Variants in GSK3B observed in about 807,000 individuals in gnomAD.
GSK3B encodes the protein glycogen synthase kinase-3 beta.
A neutral mutation model predicts 56.4 loss-of-function variants in GSK3B; 15 were observed. The observed-to-expected ratio is 0.27, with a 90% CI of 0.18 to 0.41. GSK3B has a LOEUF of 0.41. Among genes scored for constraint, GSK3B ranks in the 10% least tolerant of loss-of-function variants. The pLI is 1.00. For missense variants in GSK3B, 300 were observed against 513.4 expected (o/e 0.58, Z 4.02); for synonymous variants, 181 against 188.9 (o/e 0.96, Z 0.34).
Position 119,826,482 on chromosome 3 carries a change from A to G in GSK3B, c.*306T>C, listed in dbSNP as rs983521021. The G allele has an allele frequency of 5.9e-5, 30 of 506,418 alleles. No homozygotes were observed. Among genetic ancestry groups the G allele is most frequent in the African/African-American group, 1.1e-4 (6 of 52,324 alleles). 31.4% of individuals were successfully genotyped at this position (506,418 alleles called of 1,614,324 possible). A position where few individuals can be genotyped will look rare whatever the true frequency, so the allele number is the denominator to read the frequency against. ...TCCTGTTTTTAAAGTATACAACAGC[A>G]GACTTTTAATAAAAAAAGATTGTCG... On this transcript the variant is annotated 3_prime_UTR_variant, in exon 11 of 11. Transcript: ENST00000264235.
At chr3:119,994,743 C>T (rs1446385277) in intron 2 of GSK3B, among the ~76,000 whole-genome samples, 1 of 152,078 alleles carries the variant, frequency 6.6e-6, no homozygotes, top group Non-Finnish European at 1.5e-5. Flanking sequence ...ACATGAATGT[C>T]ATGAAAGACA....
intron 8 of GSK3B, among the ~76,000 whole-genome samples, chr3:119,873,691 C>G (rs906772218): frequency 1.3e-5 from 2 of 151,944 alleles, no homozygotes; most frequent in Non-Finnish European, 2.9e-5. Flanking sequence ...TTAAAAAAAC[C>G]AACACAAGCA....
At chr3:119,960,382 T>C (rs1301791998) in intron 2 of GSK3B, among the ~76,000 whole-genome samples, 1 of 152,022 alleles carries the variant, frequency 6.6e-6, no homozygotes, top group Non-Finnish European at 1.5e-5. Flanking sequence ...TTTACTATCA[T>C]GGTCTATACA....
At chr3:120,046,900 C>T (rs769430017) in intron 1 of GSK3B, among the ~76,000 whole-genome samples, 6 of 152,116 alleles carry the variant, frequency 3.9e-5, no homozygotes, top group Admixed American at 6.6e-5. Context: ...TGTGAGCCAC[C>T]GCTCCCAGCC....
intron 7 of GSK3B, among the ~76,000 whole-genome samples, chr3:119,882,453 C>T (rs2056390710): frequency 6.6e-6 from 1 of 152,118 alleles, no homozygotes; most frequent in Non-Finnish European, 1.5e-5. Context: ...TATCCACTAT[C>T]CATATTCTCC....
chr3:119,829,789 C>T (rs1049178976), intron 10 of GSK3B, among the ~76,000 whole-genome samples: 3 of 152,168 alleles, frequency 2.0e-5, no homozygotes, highest in African/African-American at 7.2e-5. Flanking sequence ...ACTTTCTGAA[C>T]AATAAAATTT....
intron 1 of GSK3B, among the ~76,000 whole-genome samples, chr3:120,062,132 A>G (rs1170994425): frequency 6.6e-6 from 1 of 152,212 alleles, no homozygotes; most frequent in Non-Finnish European, 1.5e-5. Flanking sequence ...AACACAGAGT[A>G]TAATTTTATC....
intron 1 of GSK3B, among the ~76,000 whole-genome samples, chr3:120,060,151 G>A (rs1346575177): frequency 1.3e-5 from 2 of 152,150 alleles, no homozygotes; most frequent in African/African-American, 2.4e-5. Flanking sequence ...AGGGAGGGGA[G>A]AAGAATAGAC....
chr3:119,823,917 AT>A lies in GSK3B; in HGVS notation c.*2870del, dbSNP rs1305589981. 2 of 197,464 alleles carry A rather than the reference AT, an allele frequency of 1.0e-5. No individual in the cohort carries two copies. The highest frequency in any genetic ancestry group is 4.6e-5 in the African/African-American group (2 of 43,222). The allele number at this position is 197,464 out of a possible 1,614,324, so 12.2% of individuals were successfully genotyped here. A position where few individuals can be genotyped will look rare whatever the true frequency, so the allele number is the denominator to read the frequency against. Reference sequence around the variant, plus strand: ...CCAATTAAAATTTAAAAAAGAACAAATTAAAAAAAAAAACACATGGAAGCGA... The same window carrying A: ...CCAATTAAAATTTAAAAAAGAACAAATAAAAAAAAAAACACATGGAAGCGA... On this transcript the variant is annotated 3_prime_UTR_variant, in exon 11 of 11. Coordinates refer to ENST00000264235, the MANE Select transcript of GSK3B (RefSeq NM_001146156.2).
At chr3:120,082,150 C>T (rs754862341) in intron 1 of GSK3B, among the ~76,000 whole-genome samples, 6 of 152,044 alleles carry the variant, frequency 3.9e-5, no homozygotes, top group Admixed American at 6.5e-5. Context: ...TTCTGAAAAA[C>T]GTAACAATTT....
chr3:119,949,169 C>G (rs190686031), intron 2 of GSK3B, among the ~76,000 whole-genome samples: 1 of 152,252 alleles, frequency 6.6e-6, no homozygotes, highest in East Asian at 1.9e-4. Flanking sequence ...ACCAAGGTAA[C>G]AGAGTATTAA....
intron 2 of GSK3B, among the ~76,000 whole-genome samples, chr3:119,953,986 T>C (rs941670604): frequency 3.9e-5 from 6 of 152,106 alleles, no homozygotes; most frequent in African/African-American, 1.2e-4. Flanking sequence ...AAATCAGATA[T>C]TATAGTCACT....
At chr3:120,020,408 C>G (rs2057866468) in intron 1 of GSK3B, among the ~76,000 whole-genome samples, 2 of 152,072 alleles carry the variant, frequency 1.3e-5, no homozygotes, top group African/African-American at 4.8e-5. Flanking sequence ...CCATGTTAAC[C>G]AAGTCTATCA....
rs555980750 is a variant in GSK3B at position 120,084,050 on chromosome 3, G to A, written c.88+9297C>T. Among the ~76,000 whole-genome samples the A allele has an allele frequency of 3.5e-4, 54 of 152,132 alleles. 1 individual carries two copies. The highest frequency in any genetic ancestry group is 3.3e-4 in the Admixed American group (5 of 15,272). On this transcript the variant is annotated intron_variant, in intron 1 of 10. Coordinates refer to ENST00000264235, the MANE Select transcript of GSK3B (RefSeq NM_001146156.2). ...TGATAAAAGTGCTCTAAAATTAGAT[G>A]GTTGGGATGGTTACACAAGTCTATG... is the stretch of plus-strand genomic sequence containing the variant.
intron 2 of GSK3B, among the ~76,000 whole-genome samples, chr3:119,997,090 C>T (rs2057626642): frequency 6.6e-6 from 1 of 152,114 alleles, no homozygotes; most frequent in Non-Finnish European, 1.5e-5. Context: ...ACAACAAAAA[C>T]ACTCTAGTTC....
chr3:119,888,758 A>G (rs1732165), intron 7 of GSK3B, among the ~76,000 whole-genome samples: 136,067 of 152,074 alleles, frequency 0.89, 60,985 homozygotes, highest in Admixed American at 0.93. Flanking sequence ...GGAAGATATC[A>G]CTAAATTCTT....
chr3:119,833,860 AT>A lies in GSK3B; in HGVS notation c.1196-7006del, dbSNP rs531440488. Among the ~76,000 whole-genome samples, 51 of 150,490 alleles carry A rather than the reference AT, an allele frequency of 3.4e-4. 1 individual carries two copies. Among genetic ancestry groups the A allele is most frequent in the East Asian group, 2.3e-3 (12 of 5,134 alleles). ...GGCACGCACCACCATGCCTGGCTAA[AT>A]TTTTTTTTGTATTTTTAGTAGAGAT... On this transcript the variant is annotated intron_variant, in intron 10 of 10. Transcript: ENST00000264235.
chr3:120,033,617 C>T (rs1248059182), intron 1 of GSK3B, among the ~76,000 whole-genome samples: 1 of 152,050 alleles, frequency 6.6e-6, no homozygotes, highest in Non-Finnish European at 1.5e-5. Context: ...CTCTGTGTCC[C>T]CACCCAAATC....
At chr3:119,929,794 C>G (rs534040132) in intron 3 of GSK3B, among the ~76,000 whole-genome samples, 2 of 151,792 alleles carry the variant, frequency 1.3e-5, no homozygotes, top group African/African-American at 4.8e-5. Context: ...CCCAGCTACT[C>G]TGGACGCTGA....
Sources: allele counts gnomAD v4.1 joint callset (sites outside exome capture counted in the v4.1 genomes callset), GRCh38; gene constraint gnomAD v4.1.1; transcripts MANE v1.5; gene names NCBI Gene and HGNC (gene_info 2026-07-23, HGNC 2026-07-21).